Variants in NEGR1 observed in about 807,000 individuals in gnomAD.
NEGR1 encodes neuronal growth regulator 1.
Under a neutral mutation model 40.9 loss-of-function variants are expected in NEGR1, and 10 were observed. That is an observed-to-expected ratio of 0.24 (90% CI 0.15 to 0.42). NEGR1 has a LOEUF of 0.42. Among genes scored for constraint, NEGR1 ranks in the 10% least tolerant of loss-of-function variants. The probability of loss-of-function intolerance (pLI) is 1.00; values close to 1 mark genes in which losing one functional copy is unlikely to be tolerated. For missense variants in NEGR1, 352 were observed against 438.9 expected (o/e 0.80, Z 1.77); for synonymous variants, 185 against 166.8 (o/e 1.11, Z -0.84).
rs963031091 is a variant in NEGR1, at chr1:72,237,037, C to T, written c.176+45282G>A. The stretch of plus-strand genomic sequence containing the variant: ...AGTGAAAAATGTCTGCCTTAATTAT[C>T]GGAATTTTATTTATTATTTAACATA... On this transcript the variant is annotated intron_variant, in intron 1 of 6. Coordinates refer to ENST00000357731, the MANE Select transcript of NEGR1 (RefSeq NM_173808.3). Among the ~76,000 whole-genome samples the T allele has an allele frequency of 8.6e-5, 13 of 151,842 alleles. No homozygotes were observed. The Middle Eastern group carries it at 0.01, about 121-fold the overall frequency.
intron 1 of NEGR1, among the ~76,000 whole-genome samples, chr1:72,026,653 G>A (rs1030477927): frequency 2.1e-4 from 32 of 151,948 alleles, no homozygotes; most frequent in African/African-American, 7.5e-4. Flanking sequence ...AATAGCCCTG[G>A]AAATGGCCAC....
At chr1:71,839,914 T>TA (rs1659177010) in intron 2 of NEGR1, among the ~76,000 whole-genome samples, 1 of 152,164 alleles carries the variant, frequency 6.6e-6, no homozygotes, top group Non-Finnish European at 1.5e-5. Flanking sequence ...CTTTACAAAA[T>TA]AAGTCCTCTA....
At chr1:71,942,301 C>A (rs953091667) in intron 1 of NEGR1, among the ~76,000 whole-genome samples, 3 of 149,566 alleles carry the variant, frequency 2.0e-5, no homozygotes, top group Non-Finnish European at 4.4e-5. Flanking sequence ...GGAAAAAAAA[C>A]TGAAAATTAA....
chr1:71,442,423 T>C (rs1646554421), intron 6 of NEGR1, among the ~76,000 whole-genome samples: 2 of 151,980 alleles, frequency 1.3e-5, no homozygotes, highest in African/African-American at 4.8e-5. Flanking sequence ...GAGACCAGCC[T>C]GGAAACATGG....
At chr1:71,764,534 G>T (rs1656054316) in intron 3 of NEGR1, among the ~76,000 whole-genome samples, 1 of 152,020 alleles carries the variant, frequency 6.6e-6, no homozygotes, top group East Asian at 1.9e-4. Context: ...GTTCAAAACG[G>T]GTCATAAAGC....
At chr1:72,107,552 A>G (rs1649186299) in intron 1 of NEGR1, among the ~76,000 whole-genome samples, 1 of 151,614 alleles carries the variant, frequency 6.6e-6, no homozygotes, top group Non-Finnish European at 1.5e-5. Context: ...TTAGGCAAAA[A>G]GATGTCACAT....
At chr1:71,645,010 A>G (rs560363782) in intron 4 of NEGR1, among the ~76,000 whole-genome samples, 1 of 152,070 alleles carries the variant, frequency 6.6e-6, no homozygotes, top group East Asian at 1.9e-4. Flanking sequence ...CACACAATTT[A>G]CACATTTATA....
At chr1:71,863,004 T>C (rs1659997394) in intron 2 of NEGR1, among the ~76,000 whole-genome samples, 1 of 152,176 alleles carries the variant, frequency 6.6e-6, no homozygotes, top group Admixed American at 6.6e-5. Flanking sequence ...TTGGTGGGAA[T>C]GTAAATTAAT....
chr1:71,783,665 A>G (rs1656799810), intron 2 of NEGR1, among the ~76,000 whole-genome samples: 1 of 152,172 alleles, frequency 6.6e-6, no homozygotes, highest in Admixed American at 6.5e-5. Flanking sequence ...GTATAAGAAA[A>G]ACGTTATCTG....
intron 1 of NEGR1, among the ~76,000 whole-genome samples, chr1:72,080,474 A>G (rs1355592467): frequency 6.6e-6 from 1 of 152,102 alleles, no homozygotes; most frequent in East Asian, 1.9e-4. Flanking sequence ...TTAAAAGAAC[A>G]TATGTAATAT....
intron 1 of NEGR1, among the ~76,000 whole-genome samples, chr1:71,991,617 C>G (rs1272087653): frequency 6.6e-6 from 1 of 152,114 alleles, no homozygotes; most frequent in Admixed American, 6.5e-5. Flanking sequence ...TTACTTCTAT[C>G]AAAATACACT....
At chr1:71,533,874 C>T (rs984573043) in intron 6 of NEGR1, among the ~76,000 whole-genome samples, 5 of 151,546 alleles carry the variant, frequency 3.3e-5, no homozygotes, top group Non-Finnish European at 7.4e-5. Flanking sequence ...ACCAGAAAAA[C>T]ATTGCATTTT....
intron 6 of NEGR1, among the ~76,000 whole-genome samples, chr1:71,512,345 T>C (rs1647080161): frequency 1.3e-5 from 2 of 152,174 alleles, no homozygotes; most frequent in African/African-American, 4.8e-5. Context: ...TGGAAGCAGA[T>C]TATCTTGTGA....
At chr1:72,144,004 C>G (rs554332035) in intron 1 of NEGR1, among the ~76,000 whole-genome samples, 1 of 146,714 alleles carries the variant, frequency 6.8e-6, no homozygotes. Flanking sequence ...GGTCTCAATG[C>G]CTTTTCCTCT....
At chr1:71,454,233 T>C (rs1646653811) in intron 6 of NEGR1, among the ~76,000 whole-genome samples, 1 of 152,238 alleles carries the variant, frequency 6.6e-6, no homozygotes, top group South Asian at 2.1e-4. Context: ...TGTGAATTTT[T>C]GTTTTCAAGA....
intron 1 of NEGR1, among the ~76,000 whole-genome samples, chr1:72,050,009 T>C (rs1332771684): frequency 6.6e-6 from 1 of 151,558 alleles, no homozygotes; most frequent in Non-Finnish European, 1.5e-5. Context: ...TTTCACATTG[T>C]GGTGTAGAAA....
intron 4 of NEGR1, among the ~76,000 whole-genome samples, chr1:71,687,461 T>G (rs10889929): frequency 0.33 from 49,820 of 152,152 alleles, 9,886 homozygotes; most frequent in East Asian, 0.48. Context: ...CTTTTCTGTG[T>G]AGCAGCAAGC....
At chr1:72,056,945 T>C (rs989486233) in intron 1 of NEGR1, among the ~76,000 whole-genome samples, 2 of 151,552 alleles carry the variant, frequency 1.3e-5, no homozygotes, top group African/African-American at 2.4e-5. Flanking sequence ...TTGTTGGTCA[T>C]GAGGTACAGT....
At chr1:71,901,881 G>A (rs558302896) in intron 2 of NEGR1, among the ~76,000 whole-genome samples, 12 of 151,966 alleles carry the variant, frequency 7.9e-5, no homozygotes, top group Non-Finnish European at 1.5e-4. Context: ...ATGTTGGTCA[G>A]GCTGGTCTTG....
Sources: allele counts gnomAD v4.1 joint callset (sites outside exome capture counted in the v4.1 genomes callset), GRCh38; gene constraint gnomAD v4.1.1; transcripts MANE v1.5; gene names NCBI Gene and HGNC (gene_info 2026-07-23, HGNC 2026-07-21).